The following FARP1 variants were observed in gnomAD, a reference collection of about 807,000 sequenced individuals.
FARP1 encodes FERM, ARH/RhoGEF and pleckstrin domain protein 1, also known as FERM, ARHGEF and pleckstrin domain-containing protein 1.
A neutral mutation model predicts 128.8 loss-of-function variants in FARP1; 52 were observed. That is an observed-to-expected ratio of 0.40 (90% CI 0.32 to 0.51). The LOEUF (loss-of-function observed/expected upper bound fraction) is 0.51, where lower values mean the gene tolerates loss of function less well. FARP1 is among the 20% of genes least tolerant of loss of function. The pLI is 0.45. For synonymous variants in FARP1, 580 were observed against 551.8 expected, an observed-to-expected ratio of 1.05 and a Z score of -0.72; for missense variants, 1,333 against 1,367.9, an observed-to-expected ratio of 0.97 and a Z score of 0.40.
chr13:98,244,960 C>T (rs1394957269), intron 2 of FARP1: 69 of 1,278,160 alleles, frequency 5.4e-5, no homozygotes, highest in Non-Finnish European at 6.7e-5. Context: ...GGAAGCAATA[C>T]AGCTTTTCTG....
intron 2 of FARP1, among the ~76,000 whole-genome samples, chr13:98,323,269 T>C (rs1397557206): frequency 6.6e-6 from 1 of 152,196 alleles, no homozygotes; most frequent in Non-Finnish European, 1.5e-5. Context: ...TTTAGATTTG[T>C]TGCCACAGTT....
chr13:98,361,224 A>G (rs1471248854), intron 3 of FARP1, among the ~76,000 whole-genome samples: 8 of 152,184 alleles, frequency 5.3e-5, no homozygotes, highest in Non-Finnish European at 1.0e-4. Context: ...CTCACAGGCC[A>G]TGCATCCTCA....
intron 1 of FARP1, among the ~76,000 whole-genome samples, chr13:98,166,471 A>C (rs922573819): frequency 2.1e-4 from 32 of 152,188 alleles, no homozygotes; most frequent in Non-Finnish European, 2.9e-5. Context: ...TTTAATCCCC[A>C]AAGCTACCTG....
At chr13:98,169,743 A>C (rs940358308) in intron 1 of FARP1, among the ~76,000 whole-genome samples, 4 of 152,136 alleles carry the variant, frequency 2.6e-5, no homozygotes, top group African/African-American at 9.7e-5. Context: ...ACATTTTAGA[A>C]TCTTAAGATT....
chr13:98,332,448 C>T (rs1887550228), intron 2 of FARP1: 1 of 152,260 alleles, frequency 6.6e-6, no homozygotes, highest in African/African-American at 2.4e-5. Context: ...CTCACCCCCA[C>T]CCCCACTCAC....
At chr13:98,258,977 G>A (rs1362526457) in intron 2 of FARP1, among the ~76,000 whole-genome samples, 1 of 152,226 alleles carries the variant, frequency 6.6e-6, no homozygotes, top group Non-Finnish European at 1.5e-5. Flanking sequence ...GGAGGCCAAG[G>A]CGGGAGGATC....
At chr13:98,213,835 C>T (rs1276675602) in intron 2 of FARP1, among the ~76,000 whole-genome samples, 2 of 152,022 alleles carry the variant, frequency 1.3e-5, no homozygotes, top group African/African-American at 2.4e-5. Context: ...GGGGGGCTGT[C>T]GAACTCAAGT....
chr13:98,336,028 T>C (rs542483964), intron 2 of FARP1, among the ~76,000 whole-genome samples: 1 of 152,326 alleles, frequency 6.6e-6, no homozygotes, highest in African/African-American at 2.4e-5. Flanking sequence ...GTTCTGTCTA[T>C]GAGATGATTT....
At chr13:98,283,436 G>A (rs1885025796) in intron 2 of FARP1, among the ~76,000 whole-genome samples, 1 of 152,152 alleles carries the variant, frequency 6.6e-6, no homozygotes, top group Non-Finnish European at 1.5e-5. Context: ...GAAGCCTAAG[G>A]ATGCAGCAGA....
chr13:98,168,892 C>T (rs753444145), intron 1 of FARP1, among the ~76,000 whole-genome samples: 9 of 152,172 alleles, frequency 5.9e-5, no homozygotes, highest in African/African-American at 2.2e-4. Flanking sequence ...TCTCAACCCC[C>T]GCTGGACTCA....
chr13:98,210,695 G>A (rs1400671610), intron 1 of FARP1, among the ~76,000 whole-genome samples: 6 of 151,990 alleles, frequency 3.9e-5, no homozygotes, highest in South Asian at 2.1e-4. Flanking sequence ...GACTACAGGC[G>A]CCCGCCACCA....
intron 2 of FARP1, among the ~76,000 whole-genome samples, chr13:98,342,211 AG>A (rs1371718545): frequency 1.3e-5 from 2 of 152,220 alleles, no homozygotes; most frequent in Non-Finnish European, 2.9e-5. Flanking sequence ...AGAGAGGCAC[AG>A]GGACAGGGCT....
chr13:98,427,061 A>G (rs886112065), intron 17 of FARP1, among the ~76,000 whole-genome samples: 2 of 151,970 alleles, frequency 1.3e-5, no homozygotes, highest in African/African-American at 4.8e-5. Flanking sequence ...AAGGTTGACC[A>G]TTAGGGCCCC....
At chr13:98,292,215 G>A (rs778359681) in intron 2 of FARP1, among the ~76,000 whole-genome samples, 15 of 152,198 alleles carry the variant, frequency 9.9e-5, no homozygotes, top group Non-Finnish European at 2.2e-4. Context: ...TTTACAAGTT[G>A]GAGGGAGTGT....
intron 2 of FARP1, among the ~76,000 whole-genome samples, chr13:98,220,503 T>G (rs1341295838): frequency 2.0e-5 from 3 of 152,200 alleles, no homozygotes; most frequent in Non-Finnish European, 2.9e-5. Context: ...TTGGCTCCTT[T>G]TATTTGCAAA....
chr13:98,384,644 A>G (rs1890027737), intron 6 of FARP1, 86 bp from the exon 7 acceptor site: 2 of 780,102 alleles, frequency 2.6e-6, no homozygotes, highest in South Asian at 3.1e-5. Context: ...GTTGTCTGCT[A>G]GCTTCTGTTT....
intron 2 of FARP1, among the ~76,000 whole-genome samples, chr13:98,308,690 A>G (rs1362177277): frequency 6.6e-6 from 1 of 152,186 alleles, no homozygotes; most frequent in Non-Finnish European, 1.5e-5. Flanking sequence ...TTGTTTTGAG[A>G]TGGGGTCTCA....
chr13:98,299,517 C>G (rs7320577), intron 2 of FARP1, among the ~76,000 whole-genome samples: 6,837 of 152,210 alleles, frequency 0.045, 501 homozygotes, highest in African/African-American at 0.15. Context: ...ACTCATAAGC[C>G]TTGAGCAATT....
chr13:98,399,903 A>G (rs1187378177), intron 13 of FARP1: 2 of 152,226 alleles, frequency 1.3e-5, no homozygotes, highest in Non-Finnish European at 2.9e-5. Context: ...TTCTTTTAGC[A>G]TGAAGAAATA....
Sources: gnomAD v4.1 joint callset for allele counts (sites outside exome capture counted in the v4.1 genomes callset) on GRCh38, gnomAD v4.1.1 for gene constraint, MANE v1.5 for transcripts, NCBI Gene and HGNC (gene_info 2026-07-23, HGNC 2026-07-21) for gene names.